CERS6: variants seen among roughly 807,000 people sequenced by gnomAD.
The protein encoded by CERS6 is ceramide synthase 6.
A neutral mutation model predicts 56.8 loss-of-function variants in CERS6; 26 were observed. The ratio of observed to expected loss-of-function variants is 0.46; its 90% CI spans 0.34 to 0.63. The LOEUF (loss-of-function observed/expected upper bound fraction) is 0.63, where lower values mean the gene tolerates loss of function less well. CERS6 is among the 30% of genes least tolerant of loss of function. CERS6 has a pLI of 0.01. For missense variants in CERS6, 415 were observed against 467.5 expected (o/e 0.89, Z 1.04); for synonymous variants, 164 against 173.3 (o/e 0.95, Z 0.42).
At chr2:168,760,265 G>A (rs148109117) in intron 8 of CERS6, among the ~76,000 whole-genome samples, 202 of 152,286 alleles carry the variant, frequency 1.3e-3, no homozygotes, top group Middle Eastern at 6.8e-3. Context: ...GAGCCAGTCC[G>A]AGTCTCAAAA....
intron 8 of CERS6, among the ~76,000 whole-genome samples, chr2:168,753,418 C>T (rs1684331167): frequency 6.6e-6 from 1 of 152,190 alleles, no homozygotes; most frequent in African/African-American, 2.4e-5. Flanking sequence ...TTCTTTCATG[C>T]TTGTGAAGCC....
rs11687819 is a variant in CERS6, at chr2:168,707,074, A to C, written c.610-7927A>C. The stretch of plus-strand genomic sequence containing the variant: ...AGCCTGTTGTGCATATTTGATGAAC[A>C]GTGGGGATGTCAGATTTGAGAATGG... On this transcript the variant is annotated intron_variant, in intron 6 of 9. Coordinates refer to ENST00000305747, the MANE Select transcript of CERS6 (RefSeq NM_203463.3). 9.2e-3 allele frequency among the ~76,000 whole-genome samples: 1,396 copies of C among 152,354 alleles called. 14 individuals are homozygous for C. The highest frequency in any genetic ancestry group is 0.013 in the Non-Finnish European group (853 of 68,028).
At chr2:168,510,770 C>G (rs944471640) in intron 1 of CERS6, among the ~76,000 whole-genome samples, 1 of 152,038 alleles carries the variant, frequency 6.6e-6, no homozygotes, top group African/African-American at 2.4e-5. Flanking sequence ...TCTTGGCCAA[C>G]TTTTATTAAG....
chr2:168,616,044 G>A (rs1684309003), intron 3 of CERS6, among the ~76,000 whole-genome samples: 1 of 152,198 alleles, frequency 6.6e-6, no homozygotes, highest in Non-Finnish European at 1.5e-5. Context: ...CTACAAGCTA[G>A]AAGGGATTGG....
chr2:168,489,571 AT>A (rs200236911), intron 1 of CERS6, among the ~76,000 whole-genome samples: 1 of 148,528 alleles, frequency 6.7e-6, no homozygotes, highest in Admixed American at 6.7e-5. Flanking sequence ...GTCTCAACAA[AT>A]TTTTTTTTCT....
intron 4 of CERS6, among the ~76,000 whole-genome samples, chr2:168,677,585 C>T (rs1257869353): frequency 6.6e-6 from 1 of 152,142 alleles, no homozygotes; most frequent in African/African-American, 2.4e-5. Flanking sequence ...ACAACCTCCA[C>T]CTCCCAGGTT....
intron 1 of CERS6, among the ~76,000 whole-genome samples, chr2:168,508,799 A>G (rs1369138673): frequency 2.0e-5 from 3 of 152,288 alleles, no homozygotes; most frequent in East Asian, 3.9e-4. Context: ...ACCATGGCAC[A>G]TGTATACCTA....
At chr2:168,752,840 T>G (rs747155068) in intron 8 of CERS6, among the ~76,000 whole-genome samples, 17 of 152,322 alleles carry the variant, frequency 1.1e-4, no homozygotes, top group Admixed American at 3.9e-4. Context: ...TTTTTTCTTG[T>G]TTTCTGCTTT....
intron 4 of CERS6, among the ~76,000 whole-genome samples, chr2:168,666,061 A>G (rs1319164225): frequency 1.3e-5 from 2 of 150,934 alleles, no homozygotes; most frequent in Non-Finnish European, 2.9e-5. Flanking sequence ...CCCTGCCATC[A>G]TCACCCCCTG....
rs1685325283 is a variant in CERS6 at position 168,650,831 on chromosome 2, ATT to A, written c.465+19790_465+19791del. 2.6e-5 allele frequency among the ~76,000 whole-genome samples: 4 copies of A among 152,264 alleles called. No homozygotes were observed. The South Asian group carries it at 8.3e-4, about 32-fold the overall frequency. ...TTTGTTTTTCCTACTGTCATACAAT[ATT>A]GTCTTTATAAAAGCATCAACAATTA... On this transcript the variant is annotated intron_variant, in intron 4 of 9. Coordinates refer to ENST00000305747, the MANE Select transcript of CERS6 (RefSeq NM_203463.3).
At chr2:168,766,309 G>T in intron 9 of CERS6, 1 of 1,597,686 alleles carries the variant, frequency 6.3e-7, no homozygotes, top group Non-Finnish European at 8.5e-7. Context: ...TCTTCCTTCT[G>T]CTACCCTGGA....
rs1695779836 is a variant in CERS6, at chr2:168,561,198, G to A, written c.283G>A (p.Asp95Asn). ...CTGGTACCTTGTTTCATAGCATCCT[G>A]ATGAAAAGAGATTGGAAGGCCTCTC... is the stretch of plus-strand genomic sequence containing the variant. ...KVFTAITKHPDEKRLEGLSKQ... is the reference protein window; with the variant it reads ...KVFTAITKHPNEKRLEGLSKQ... The change falls in exon 3 of 10, where the codon GAT becomes AAT. Residue 95 changes from aspartate to asparagine, a missense_variant. Physicochemically the swap from Asp to Asn is conservative, Grantham distance 23 (BLOSUM62 1). Coordinates refer to ENST00000305747, the MANE Select transcript of CERS6 (RefSeq NM_203463.3). 2.5e-6 allele frequency: 4 copies of A among 1,613,886 alleles called. No individual in the cohort carries two copies. The highest frequency in any genetic ancestry group is 2.5e-6 in the Non-Finnish European group (3 of 1,179,838).
intron 3 of CERS6, among the ~76,000 whole-genome samples, chr2:168,625,940 C>G (rs185282037): frequency 6.6e-6 from 1 of 152,212 alleles, no homozygotes; most frequent in Non-Finnish European, 1.5e-5. Flanking sequence ...CACTAATATC[C>G]ACCAGGTTAG....
chr2:168,475,181 A>C (rs1325881047), intron 1 of CERS6, among the ~76,000 whole-genome samples: 8 of 152,096 alleles, frequency 5.3e-5, no homozygotes, highest in Non-Finnish European at 1.2e-4. Flanking sequence ...ATGTATTAAC[A>C]TTTTTTGACT....
rs372041111 is a variant in CERS6 at position 168,769,622 on chromosome 2, A to G, written c.1115A>G (p.Asn372Ser). Reference protein sequence around the residue: ...ATTTNGTSGTNGYLLTGSCSM... With the variant: ...ATTTNGTSGTSGYLLTGSCSM... Reference sequence around the variant, plus strand: ...ACCACCAATGGGACCAGTGGTACCAACGGGTATCTCCTGACTGGCTCCTGC... The same window carrying G: ...ACCACCAATGGGACCAGTGGTACCAGCGGGTATCTCCTGACTGGCTCCTGC... Residue 372 changes from asparagine to serine, a missense_variant, in exon 10 of 10, where the codon AAC (asparagine) becomes AGC (serine). By Grantham distance (46) the Asn-to-Ser change is conservative. Transcript: ENST00000305747. The G allele has an allele frequency of 6.2e-7, 1 of 1,612,058 alleles. No individual in the cohort carries two copies. Among genetic ancestry groups the G allele is most frequent in the Non-Finnish European group, 8.5e-7 (1 of 1,179,438 alleles).
intron 6 of CERS6, among the ~76,000 whole-genome samples, chr2:168,713,889 G>A (rs565880655): frequency 1.3e-5 from 2 of 152,208 alleles, no homozygotes; most frequent in Admixed American, 6.5e-5. Flanking sequence ...TGCTAACACC[G>A]AGATGCACAT....
intron 3 of CERS6, among the ~76,000 whole-genome samples, chr2:168,594,391 C>A (rs1201875306): frequency 3.9e-5 from 6 of 152,092 alleles, no homozygotes; most frequent in Admixed American, 3.3e-4. Context: ...TTGAGACCAG[C>A]CTGTGCAACA....
At chr2:168,711,562 C>G (rs994812536) in intron 6 of CERS6, among the ~76,000 whole-genome samples, 1 of 151,770 alleles carries the variant, frequency 6.6e-6, no homozygotes, top group Non-Finnish European at 1.5e-5. Context: ...GGTGAAACCC[C>G]GTCTCAACCG....
chr2:168,647,893 T>A (rs1685244015), intron 4 of CERS6, among the ~76,000 whole-genome samples: 1 of 152,188 alleles, frequency 6.6e-6, no homozygotes. Context: ...CGTTTTGAGG[T>A]GCCACTGGAT....
Sources: gnomAD v4.1 joint callset for allele counts (sites outside exome capture counted in the v4.1 genomes callset) on GRCh38, gnomAD v4.1.1 for gene constraint, MANE v1.5 for transcripts, NCBI Gene and HGNC (gene_info 2026-07-23, HGNC 2026-07-21) for gene names.